CSRP1: variants seen among roughly 807,000 people sequenced by gnomAD.
The protein encoded by CSRP1 is cysteine and glycine rich protein 1.
Under a neutral mutation model 25.4 loss-of-function variants are expected in CSRP1, and 16 were observed. The ratio of observed to expected loss-of-function variants is 0.63; its 90% CI spans 0.43 to 0.96. CSRP1 has a LOEUF of 0.96. CSRP1 is among the 40% of genes least tolerant of loss of function. The pLI is 0.00. For synonymous variants in CSRP1, 97 were observed against 95.3 expected, an observed-to-expected ratio of 1.02 and a Z score of -0.10; for missense variants, 212 against 243.6, an observed-to-expected ratio of 0.87 and a Z score of 0.86.
chr1:201,483,619 G>C lies in CSRP1; in HGVS notation c.*1094C>G, dbSNP rs1341364011. 4.9e-6 allele frequency: 1 copy of C among 205,488 alleles called. No individual in the cohort carries two copies. The highest frequency in any genetic ancestry group is 2.2e-5 in the African/African-American group (1 of 44,940). 12.7% of individuals were successfully genotyped at this position (205,488 alleles called of 1,614,324 possible). On this transcript the variant is annotated 3_prime_UTR_variant, in exon 6 of 6. Transcript: ENST00000340006. Reference sequence around the variant, plus strand: ...CCCTTTCAGTGGGTGGCTCCAGATAGTGTTGTCCTTTCAGTTGCTGGGAGC... The same window carrying C: ...CCCTTTCAGTGGGTGGCTCCAGATACTGTTGTCCTTTCAGTTGCTGGGAGC...
Position 201,488,914 on chromosome 1 carries a change from G to A in CSRP1, c.352C>T (p.Arg118Cys), listed in dbSNP as rs370254259. Residue 118 changes from arginine to cysteine, a missense_variant, in exon 4 of 6, where the codon CGC becomes TGC. Physicochemically the swap from Arg to Cys is radical, Grantham distance 180. Coordinates refer to ENST00000340006, the MANE Select transcript of CSRP1 (RefSeq NM_004078.3). The stretch of plus-strand genomic sequence containing the variant: ...ACTGCCTGGCTGCATCGGGGGCAGC[G>A]CTCGGAGCCACCAATCTTCTGGGCA... The part of the protein sequence containing the change: ...KFAQKIGGSE[R>C]CPRCSQAVYA... 5.6e-5 allele frequency: 90 copies of A among 1,613,994 alleles called. 1 individual carries two copies. The highest frequency in any genetic ancestry group is 6.9e-5 in the Non-Finnish European group (82 of 1,180,010).
chr1:201,500,947 G>A (rs915925393), intron 1 of CSRP1, among the ~76,000 whole-genome samples: 1 of 152,222 alleles, frequency 6.6e-6, no homozygotes, highest in Non-Finnish European at 1.5e-5. Context: ...AGTTCCCAAG[G>A]TCAGAGTTCA....
chr1:201,488,886 T>C lies in CSRP1; in HGVS notation c.380A>G (p.Tyr127Cys), dbSNP rs753999332. 2.4e-5 allele frequency: 39 copies of C among 1,613,970 alleles called. No individual in the cohort carries two copies. The highest frequency in any genetic ancestry group is 2.5e-5 in the Non-Finnish European group (30 of 1,180,002). ...AGCACCAATCACCTTCTCCGCAGCA[T>C]AGACTGCCTGGCTGCATCGGGGGCA... is the stretch of plus-strand genomic sequence containing the variant. ...ERCPRCSQAV[Y>C]AAEKVIGAGK... Residue 127 changes from tyrosine to cysteine, a missense_variant, in exon 4 of 6, where the codon TAT becomes TGT. By Grantham distance (194) the Tyr-to-Cys change is radical (BLOSUM62 -2). Transcript: ENST00000340006.
intron 3 of CSRP1, 121 bp downstream of exon 3, chr1:201,490,055 A>G (rs1003525327): frequency 2.0e-5 from 20 of 1,018,572 alleles, no homozygotes; most frequent in Non-Finnish European, 2.8e-5. Flanking sequence ...CTGCCTTTTA[A>G]ATAACTGGTT....
chr1:201,497,357 T>TAAA (rs1664544629), intron 1 of CSRP1, among the ~76,000 whole-genome samples: 3 of 14,308 alleles, frequency 2.1e-4, no homozygotes, highest in Non-Finnish European at 3.0e-4. Flanking sequence ...AGACTCTGTC[T>TAAA]CAAAAAAAAA....
At chr1:201,493,539 C>A (rs1269713252) in intron 2 of CSRP1, among the ~76,000 whole-genome samples, 1 of 152,222 alleles carries the variant, frequency 6.6e-6, no homozygotes, top group Non-Finnish European at 1.5e-5. Context: ...GAGGCCTCCC[C>A]AGCCATGTGG....
At chr1:201,505,004 G>A (rs1327504500) in intron 1 of CSRP1, among the ~76,000 whole-genome samples, 1 of 152,182 alleles carries the variant, frequency 6.6e-6, no homozygotes, top group Non-Finnish European at 1.5e-5. Flanking sequence ...GAAGGCTGAG[G>A]CAGGAGAATC....
In CSRP1 at chr1:201,486,351, C is replaced by T. The variant is rs918056124; in HGVS notation, c.412-975G>A. 1.4e-5 allele frequency: 14 copies of T among 985,398 alleles called. 1 individual carries two copies. In the South Asian group the frequency reaches 6.6e-4, roughly 46 times the overall value. The allele number at this position is 985,398 out of a possible 1,614,324, so 61.0% of individuals were successfully genotyped here. A position where few individuals can be genotyped will look rare whatever the true frequency, so the allele number is the denominator to read the frequency against. On this transcript the variant is annotated intron_variant, in intron 4 of 5. Coordinates refer to ENST00000340006, the MANE Select transcript of CSRP1 (RefSeq NM_004078.3). ...TGATGTGTAGACAGCTCTGCTTAAC[C>T]CAGGAAAAGCAAGAGGCAGGCAGCA...
rs773452957 is a variant in CSRP1, at chr1:201,484,185, A to G, written c.*528T>C. The G allele has an allele frequency of 2.4e-5, 14 of 576,864 alleles. No individual in the cohort carries two copies. The highest frequency in any genetic ancestry group is 1.5e-4 in the South Asian group (7 of 45,358). The allele number at this position is 576,864 out of a possible 1,614,324, so 35.7% of individuals were successfully genotyped here. A position where few individuals can be genotyped will look rare whatever the true frequency, so the allele number is the denominator to read the frequency against. On this transcript the variant is annotated 3_prime_UTR_variant, in exon 6 of 6. Coordinates refer to ENST00000340006, the MANE Select transcript of CSRP1 (RefSeq NM_004078.3). Reference sequence around the variant, plus strand: ...CTGCCTGCATGCCTCTCTGCCTCCAATAGTGACTCCCTAAGCTGGGACTCC... The same window carrying G: ...CTGCCTGCATGCCTCTCTGCCTCCAGTAGTGACTCCCTAAGCTGGGACTCC...
intron 4 of CSRP1, 89 bp downstream of exon 4, chr1:201,488,766 A>C: frequency 6.6e-7 from 1 of 1,508,004 alleles, no homozygotes. Context: ...TGCCCTGAGC[A>C]GAGCTAGGTC....
Position 201,486,863 on chromosome 1 carries a change from A to C in CSRP1, c.412-1487T>G, listed in dbSNP as rs1571773367. ...ACTTTACCTTATAGCCTGCCTAAGTAATGGAAATAGTGATTCTTAGCTATT... is the reference window on the plus strand; with the variant it reads ...ACTTTACCTTATAGCCTGCCTAAGTCATGGAAATAGTGATTCTTAGCTATT... On this transcript the variant is annotated intron_variant, in intron 4 of 5. Transcript: ENST00000340006. The C allele has an allele frequency of 4.1e-6, 5 of 1,212,430 alleles. No individual in the cohort carries two copies. The South Asian group carries it at 8.1e-5, about 20-fold the overall frequency. 75.1% of individuals were successfully genotyped at this position (1,212,430 alleles called of 1,614,324 possible).
chr1:201,502,576 T>C (rs567447586), intron 1 of CSRP1, among the ~76,000 whole-genome samples: 5 of 152,246 alleles, frequency 3.3e-5, no homozygotes, highest in Admixed American at 1.3e-4. Flanking sequence ...TCCCACCTCA[T>C]GTTTCCTTCA....
intron 1 of CSRP1, 44 bp from the exon 2 acceptor site, chr1:201,496,348 G>GTTTCCATCTCCCT: frequency 6.3e-6 from 9 of 1,434,868 alleles, no homozygotes; most frequent in Admixed American, 1.7e-5. Context: ...ACAGGGAGAT[G>GTTTCCATCTCCCT]GAAACATCTC....
chr1:201,504,392 C>T (rs972862852), intron 1 of CSRP1, among the ~76,000 whole-genome samples: 1 of 152,190 alleles, frequency 6.6e-6, no homozygotes, highest in Admixed American at 6.5e-5. Flanking sequence ...AAGGAGAGGC[C>T]AACTCTAACA....
At chr1:201,486,340 C>A in intron 4 of CSRP1, 8 of 985,468 alleles carry the variant, frequency 8.1e-6, no homozygotes, top group Non-Finnish European at 9.6e-6. Context: ...GTGTAGACAG[C>A]TCTGCTTAAC....
At chr1:201,501,992 AAAAT>A (rs10676830) in intron 1 of CSRP1, among the ~76,000 whole-genome samples, 60,939 of 144,314 alleles carry the variant, frequency 0.42, 14,657 homozygotes, top group Non-Finnish European at 0.56. Context: ...ACTCAGTCTC[AAAAT>A]AAATAAATAA....
chr1:201,490,589 T>C (rs1664307953), intron 2 of CSRP1: 1 of 464,620 alleles, frequency 2.2e-6, no homozygotes, highest in Non-Finnish European at 3.9e-6. Context: ...GGAATCCATA[T>C]GTGTCTCCTT....
intron 2 of CSRP1, among the ~76,000 whole-genome samples, chr1:201,494,820 C>CAG (rs1664453495): frequency 8.7e-6 from 1 of 115,598 alleles, no homozygotes; most frequent in Non-Finnish European, 1.7e-5. Context: ...GATCCCTCAG[C>CAG]AGTGTGCGTG....
At chr1:201,486,960 G>A in intron 4 of CSRP1, 2 of 1,294,366 alleles carry the variant, frequency 1.5e-6, no homozygotes, top group Non-Finnish European at 2.0e-6. Context: ...AATGTCTCCT[G>A]TTTTCATATC....
Sources: allele counts gnomAD v4.1 joint callset (sites outside exome capture counted in the v4.1 genomes callset), GRCh38; gene constraint gnomAD v4.1.1; transcripts MANE v1.5; gene names NCBI Gene and HGNC (gene_info 2026-07-23, HGNC 2026-07-21).